Variants in HPS5 observed in about 807,000 individuals in gnomAD.
The protein encoded by HPS5 is BLOC-2 complex member HPS5.
Under a neutral mutation model 128.0 loss-of-function variants are expected in HPS5, and 83 were observed. The observed-to-expected ratio is 0.65, with a 90% CI of 0.54 to 0.78. The LOEUF is 0.78. Among genes scored for constraint, HPS5 ranks in the 30% least tolerant of loss-of-function variants. HPS5 has a pLI of 0.00. For synonymous variants in HPS5, 475 were observed against 470.2 expected (o/e 1.01, Z -0.13); for missense variants, 1,281 against 1,326.2 (o/e 0.97, Z 0.53).
Position 18,292,209 on chromosome 11 carries a change from CT to C in HPS5, c.1863-191del, listed in dbSNP as rs5790031. On this transcript the variant is annotated intron_variant, in intron 15 of 22. Coordinates refer to ENST00000349215, the MANE Select transcript of HPS5 (RefSeq NM_181507.2). ...AGAACATAAACTTTGTAGTGTTTTA[CT>C]TTTTTTTTTTTTTTTTTGAGATAGG... 0.57 allele frequency among the ~76,000 whole-genome samples: 76,938 copies of C among 135,714 alleles called. 21,234 individuals are homozygous for C. The highest frequency in any genetic ancestry group is 0.82 in the East Asian group (3,795 of 4,600). The allele number at this position is 135,714 out of a possible 152,430, so 89.0% of individuals were successfully genotyped here.
chr11:18,296,001 T>G lies in HPS5; in HGVS notation c.1632A>C (p.Glu544Asp). The change falls in exon 13 of 23, where the codon GAA (glutamate) becomes GAC (aspartate). Residue 544 changes from glutamate to aspartate, a missense_variant and splice_region_variant. Physicochemically the swap from Glu to Asp is conservative, Grantham distance 45 (BLOSUM62 2). Coordinates refer to ENST00000349215, the MANE Select transcript of HPS5 (RefSeq NM_181507.2). Reference protein sequence around the residue: ...SPLVSLQAVKESVSSFVRKTT... With the variant: ...SPLVSLQAVKDSVSSFVRKTT... ...AATGACAAGACTAATTGGTTTACCTTTCTTTGACAGCCTGAAGAGACACAA... is the reference window on the plus strand; with the variant it reads ...AATGACAAGACTAATTGGTTTACCTGTCTTTGACAGCCTGAAGAGACACAA... 2 of 1,613,538 alleles carry G rather than the reference T, an allele frequency of 1.2e-6. No homozygotes were observed. Among genetic ancestry groups the G allele is most frequent in the South Asian group, 2.2e-5 (2 of 91,056 alleles).
At position 18,292,925 on chromosome 11, in the gene HPS5, C is replaced by T; in HGVS notation, c.1836G>A (p.Glu612=). ...TTGCTTCTGCTGTTGCTACTTTAAG[C>T]TCCTGGAACCTGTCTTCTTCTGGAG... ...SPPPEEDRFQ[E]LKVATAEAMT... Residue 612 remains glutamate, a synonymous_variant, in exon 15 of 23, where the codon GAG becomes GAA. Transcript: ENST00000349215. The T allele has an allele frequency of 6.2e-7, 1 of 1,614,070 alleles. No homozygotes were observed. The highest frequency in any genetic ancestry group is 1.1e-5 in the South Asian group (1 of 91,078).
intron 8 of HPS5, among the ~76,000 whole-genome samples, chr11:18,302,879 G>C (rs1182658541): frequency 8.2e-6 from 1 of 122,014 alleles, no homozygotes; most frequent in African/African-American, 3.1e-5. Context: ...TCATAATTTT[G>C]ATACTGAACC....
intron 11 of HPS5, among the ~76,000 whole-genome samples, chr11:18,297,196 T>C (rs945946767): frequency 1.3e-5 from 2 of 152,196 alleles, no homozygotes; most frequent in Admixed American, 6.5e-5. Context: ...CTCTAGCTTG[T>C]CTTCATAAAG....
At chr11:18,314,554 T>TAAAA (rs1377631167) in intron 2 of HPS5, 6 of 152,010 alleles carry the variant, frequency 3.9e-5, no homozygotes, top group African/African-American at 1.2e-4. Context: ...AATAAATAAA[T>TAAAA]AAATAAATAA....
chr11:18,290,920 C>A (rs921138339), intron 16 of HPS5, among the ~76,000 whole-genome samples: 2 of 151,084 alleles, frequency 1.3e-5, no homozygotes, highest in African/African-American at 4.9e-5. Flanking sequence ...GACCCTGTCT[C>A]TAAAAATAAA....
At chr11:18,280,089 A>G in intron 22 of HPS5, 147 bp from the exon 23 acceptor site, 1 of 766,026 alleles carries the variant, frequency 1.3e-6, no homozygotes, top group Non-Finnish European at 2.3e-6. Flanking sequence ...TGAAAAGGCA[A>G]CCTACAGAAT....
intron 12 of HPS5, 157 bp downstream of exon 12, chr11:18,296,641 A>T (rs1020379449): frequency 1.1e-5 from 9 of 789,850 alleles, no homozygotes; most frequent in Middle Eastern, 3.1e-4. Context: ...CTCTTCTAGT[A>T]GGGGGCAGAT....
chr11:18,291,387 T>C (rs1414158571), intron 16 of HPS5, 55 bp downstream of exon 16: 1 of 1,145,762 alleles, frequency 8.7e-7, no homozygotes, highest in East Asian at 2.5e-5. Flanking sequence ...AATTCAAAAC[T>C]GCTAATGTTT....
intron 10 of HPS5, among the ~76,000 whole-genome samples, chr11:18,298,285 A>C (rs888457330): frequency 6.6e-6 from 1 of 151,890 alleles, no homozygotes; most frequent in African/African-American, 2.4e-5. Flanking sequence ...TGAGGTCAGG[A>C]GTTCGAGATC....
chr11:18,303,574 T>C (rs1861983501), intron 8 of HPS5, among the ~76,000 whole-genome samples: 1 of 152,212 alleles, frequency 6.6e-6, no homozygotes, highest in African/African-American at 2.4e-5. Context: ...AAGTGTATTG[T>C]GGCCCGACTA....
At position 18,311,024 on chromosome 11, in the gene HPS5, T is replaced by C. The variant is rs1862922265; in HGVS notation, c.285-91A>G. The stretch of plus-strand genomic sequence containing the variant: ...CAGTATCAACTATATCAAATACATA[T>C]GCAACTCTTGTTCTTCAGAAAAGAG... On this transcript the variant is annotated intron_variant, in intron 4 of 22. Coordinates refer to ENST00000349215, the MANE Select transcript of HPS5 (RefSeq NM_181507.2). The C allele has an allele frequency of 2.8e-5, 25 of 890,418 alleles. No homozygotes were observed. The East Asian group carries it at 5.8e-4, about 21-fold the overall frequency. The allele number at this position is 890,418 out of a possible 1,614,324, so 55.2% of individuals were successfully genotyped here.
intron 5 of HPS5, 45 bp from the exon 6 acceptor site, chr11:18,309,124 A>G: frequency 6.4e-7 from 1 of 1,560,392 alleles, no homozygotes. Context: ...TAATCATAAC[A>G]TACACATGCA....
chr11:18,286,944 G>C, intron 18 of HPS5: 1,991 of 547,104 alleles, frequency 3.6e-3, no homozygotes, highest in East Asian at 6.0e-3. Context: ...GAGAGAGAAA[G>C]AAAGAGACAA....
chr11:18,290,749 C>T (rs1003054340), intron 16 of HPS5, among the ~76,000 whole-genome samples: 1 of 151,968 alleles, frequency 6.6e-6, no homozygotes, highest in African/African-American at 2.4e-5. Flanking sequence ...ACAGTAAGAC[C>T]CCATCTCTAT....
intron 2 of HPS5, chr11:18,314,443 C>A (rs926493973): frequency 6.6e-6 from 1 of 152,256 alleles, no homozygotes; most frequent in Admixed American, 6.5e-5. Context: ...GCATGAGAAT[C>A]ACTTGAACCC....
chr11:18,301,770 G>A (rs890404550), intron 8 of HPS5, among the ~76,000 whole-genome samples: 4 of 152,064 alleles, frequency 2.6e-5, no homozygotes, highest in Non-Finnish European at 4.4e-5. Context: ...GCCAGTCAAG[G>A]TAGATATACT....
At chr11:18,294,915 CAT>C (rs1355531678) in intron 14 of HPS5, 103 bp downstream of exon 14, 8 of 1,187,836 alleles carry the variant, frequency 6.7e-6, no homozygotes, top group Middle Eastern at 2.3e-4. Context: ...TCCTGGAACA[CAT>C]GAGGCCCACG....
At chr11:18,317,972 A>G in intron 1 of HPS5, 65 bp from the exon 2 acceptor site, 4 of 1,188,528 alleles carry the variant, frequency 3.4e-6, no homozygotes, top group Middle Eastern at 2.4e-4. Flanking sequence ...CATTTAACAA[A>G]TATGTGGGGA....
Sources: allele counts gnomAD v4.1 joint callset (sites outside exome capture counted in the v4.1 genomes callset), GRCh38; gene constraint gnomAD v4.1.1; transcripts MANE v1.5; gene names NCBI Gene and HGNC (gene_info 2026-07-23, HGNC 2026-07-21).